SMURF2: variants seen among roughly 807,000 people sequenced by gnomAD.
SMURF2 encodes E3 ubiquitin-protein ligase SMURF2.
In SMURF2, 48 loss-of-function variants were observed where a neutral mutation model predicts 109.6. That is an observed-to-expected ratio of 0.44 (90% CI 0.35 to 0.56). SMURF2 has a LOEUF of 0.56. Ranked by LOEUF, SMURF2 falls within the 20% of genes least tolerant of loss-of-function variation. SMURF2 has a pLI of 0.01. For missense variants in SMURF2, 575 were observed against 909.0 expected (o/e 0.63, Z 4.72); for synonymous variants, 288 against 317.1 (o/e 0.91, Z 0.97).
chr17:64,598,941 G>C (rs542680331), intron 2 of SMURF2, among the ~76,000 whole-genome samples: 2 of 152,216 alleles, frequency 1.3e-5, no homozygotes, highest in South Asian at 4.1e-4. Context: ...TAGCAAATGA[G>C]TTTTGCTGAA....
chr17:64,567,540 G>C (rs993434102), intron 10 of SMURF2, among the ~76,000 whole-genome samples: 1 of 152,120 alleles, frequency 6.6e-6, no homozygotes, highest in East Asian at 1.9e-4. Flanking sequence ...TATTCTACTG[G>C]CAACATCAAG....
Position 64,542,488 on chromosome 17 carries a change from T to G in SMURF2, c.*3360A>C, listed in dbSNP as rs1272612157. On this transcript the variant is annotated 3_prime_UTR_variant, in exon 19 of 19. Coordinates refer to ENST00000262435, the MANE Select transcript of SMURF2 (RefSeq NM_022739.4). ...ACAAATACAATGAAAATGATAAAAC[T>G]TTGTTTTTAAAGTCAGTCTGAGAGA... 1 of 152,170 alleles carries G rather than the reference T, an allele frequency of 6.6e-6. No individual in the cohort carries two copies. The highest frequency in any genetic ancestry group is 1.5e-5 in the Non-Finnish European group (1 of 68,024). 9.4% of individuals were successfully genotyped at this position (152,170 alleles called of 1,614,324 possible).
At chr17:64,613,853 T>TA (rs201350128) in intron 1 of SMURF2, among the ~76,000 whole-genome samples, 1,654 of 152,058 alleles carry the variant, frequency 0.011, 29 homozygotes, top group African/African-American at 0.038. Flanking sequence ...TATAATAGAA[T>TA]AATTATACAA....
chr17:64,561,701 A>G (rs1969222466), intron 11 of SMURF2, 98 bp from the exon 12 acceptor site: 1 of 897,784 alleles, frequency 1.1e-6, no homozygotes, highest in Non-Finnish European at 1.7e-6. Context: ...TCAAGTCTAA[A>G]TAAGGTGAAA....
At position 64,557,741 on chromosome 17, in the gene SMURF2, C is replaced by A. The variant is rs782171653; in HGVS notation, c.1317-19G>T. ...CCATTCCCTAGAAAACAAGATATGA[C>A]CAAGGAATTTTTTTGTTAATGTATA... On this transcript the variant is annotated intron_variant, in intron 12 of 18. Coordinates refer to ENST00000262435, the MANE Select transcript of SMURF2 (RefSeq NM_022739.4). 2 of 1,465,718 alleles carry A rather than the reference C, an allele frequency of 1.4e-6. No individual in the cohort carries two copies. Among genetic ancestry groups the A allele is most frequent in the South Asian group, 1.2e-5 (1 of 82,614 alleles). 90.8% of individuals were successfully genotyped at this position (1,465,718 alleles called of 1,614,324 possible).
chr17:64,649,510 A>G (rs1555693284), intron 1 of SMURF2, among the ~76,000 whole-genome samples: 1 of 152,172 alleles, frequency 6.6e-6, no homozygotes, highest in Admixed American at 6.5e-5. Flanking sequence ...CTGCCATATT[A>G]AGATAAAAAT....
chr17:64,647,668 A>G (rs1258826836), intron 1 of SMURF2, among the ~76,000 whole-genome samples: 2 of 150,256 alleles, frequency 1.3e-5, no homozygotes, highest in African/African-American at 4.9e-5. Flanking sequence ...GTGACAGAGT[A>G]AGACTCTGTC....
At chr17:64,654,550 C>T (rs1429632162) in intron 1 of SMURF2, among the ~76,000 whole-genome samples, 1 of 152,188 alleles carries the variant, frequency 6.6e-6, no homozygotes, top group Non-Finnish European at 1.5e-5. Flanking sequence ...CAGCCATCAG[C>T]TGGGTGCGGT....
intron 1 of SMURF2, among the ~76,000 whole-genome samples, chr17:64,629,802 A>G (rs1970313570): frequency 6.6e-6 from 1 of 152,232 alleles, no homozygotes; most frequent in African/African-American, 2.4e-5. Flanking sequence ...CAAATTTTTT[A>G]AAAACCATAT....
At chr17:64,589,516 G>A (rs1555687450) in intron 5 of SMURF2, among the ~76,000 whole-genome samples, 2 of 151,784 alleles carry the variant, frequency 1.3e-5, no homozygotes, top group Non-Finnish European at 2.9e-5. Context: ...TCCAGGGTCT[G>A]TTAGGAACCC....
Position 64,662,188 on chromosome 17 carries a change from CTCTCG to C in SMURF2, c.-313_-309del. 9.7e-7 allele frequency: 1 copy of C among 1,035,874 alleles called. No homozygotes were observed. Among genetic ancestry groups the C allele is most frequent in the Non-Finnish European group, 1.2e-6 (1 of 863,522 alleles). The allele number at this position is 1,035,874 out of a possible 1,614,324, so 64.2% of individuals were successfully genotyped here. A position where few individuals can be genotyped will look rare whatever the true frequency, so the allele number is the denominator to read the frequency against. ...TCGCGGCCGCCGAGGCCTTTCCCTCCTCTCGTCTCGGCGAGGCCCAGTAGCCGACG... is the reference window on the plus strand; with the variant it reads ...TCGCGGCCGCCGAGGCCTTTCCCTCCTCTCGGCGAGGCCCAGTAGCCGACG... On this transcript the variant is annotated 5_prime_UTR_variant, in exon 1 of 19. Coordinates refer to ENST00000262435, the MANE Select transcript of SMURF2 (RefSeq NM_022739.4).
intron 4 of SMURF2, chr17:64,593,044 C>A (rs1374013771): frequency 6.6e-6 from 1 of 152,296 alleles, no homozygotes; most frequent in South Asian, 2.1e-4. Context: ...CACAAATCCA[C>A]CAAAACCAGA....
intron 1 of SMURF2, among the ~76,000 whole-genome samples, chr17:64,628,735 A>G (rs1480545735): frequency 2.6e-5 from 4 of 152,194 alleles, no homozygotes; most frequent in Non-Finnish European, 4.4e-5. Context: ...AACAAGAGGT[A>G]AAGAAAGGGC....
At chr17:64,576,109 G>GT (rs1555686036) in intron 9 of SMURF2, among the ~76,000 whole-genome samples, 1 of 151,970 alleles carries the variant, frequency 6.6e-6, no homozygotes, top group Non-Finnish European at 1.5e-5. Flanking sequence ...GGAGGCTGAG[G>GT]TGGGAGGATG....
chr17:64,584,361 C>CTTTTTTTTTTTTTTTTTTTTTTTTTT (rs372682588), intron 6 of SMURF2, among the ~76,000 whole-genome samples: 5 of 112,754 alleles, frequency 4.4e-5, no homozygotes, highest in African/African-American at 7.5e-5. Flanking sequence ...CTTTTTTTTT[C>CTTTTTTTTTTTTTTTTTTTTTTTTTT]TTTTTTTTTT....
At chr17:64,548,462 A>G (rs1219709178) in intron 16 of SMURF2, among the ~76,000 whole-genome samples, 2 of 152,106 alleles carry the variant, frequency 1.3e-5, no homozygotes, top group African/African-American at 4.8e-5. Flanking sequence ...ATCTAGGCTC[A>G]CTGCAACCTC....
At chr17:64,592,842 T>A (rs1969768756) in intron 4 of SMURF2, among the ~76,000 whole-genome samples, 1 of 152,252 alleles carries the variant, frequency 6.6e-6, no homozygotes, top group Admixed American at 6.5e-5. Context: ...ATCTTCTAAA[T>A]CCTCAGGCTG....
intron 1 of SMURF2, among the ~76,000 whole-genome samples, chr17:64,650,100 C>G (rs551987380): frequency 3.9e-4 from 60 of 152,070 alleles, no homozygotes; most frequent in African/African-American, 1.4e-3. Context: ...AAAACAAAAT[C>G]CGTGGTCAAA....
chr17:64,658,781 A>T (rs1262092330), intron 1 of SMURF2, among the ~76,000 whole-genome samples: 1 of 152,252 alleles, frequency 6.6e-6, no homozygotes, highest in Non-Finnish European at 1.5e-5. Flanking sequence ...TATCCAAACC[A>T]TTGAAAGAAA....
Sources: gnomAD v4.1 joint callset for allele counts (sites outside exome capture counted in the v4.1 genomes callset) on GRCh38, gnomAD v4.1.1 for gene constraint, MANE v1.5 for transcripts, NCBI Gene and HGNC (gene_info 2026-07-23, HGNC 2026-07-21) for gene names.